The following MICOS10 variants were observed in gnomAD, a reference collection of about 807,000 sequenced individuals.
MICOS10 encodes mitochondrial contact site and cristae organizing system subunit 10.
MICOS10 carries 5 observed loss-of-function variants against 13.4 expected under a neutral mutation model. The observed-to-expected ratio is 0.37, with a 90% CI of 0.20 to 0.78. The LOEUF (loss-of-function observed/expected upper bound fraction) is 0.78. Ranked by LOEUF, MICOS10 falls within the 30% of genes least tolerant of loss-of-function variation. The probability of loss-of-function intolerance (pLI) is 0.47; values close to 1 mark genes in which losing one functional copy is unlikely to be tolerated. For synonymous variants in MICOS10, 35 were observed against 33.6 expected (o/e 1.04, Z -0.15); for missense variants, 101 against 94.6 (o/e 1.07, Z -0.28).
At chr1:19,609,977 A>G (rs893601123) in intron 1 of MICOS10, among the ~76,000 whole-genome samples, 4 of 152,150 alleles carry the variant, frequency 2.6e-5, no homozygotes, top group African/African-American at 9.7e-5. Flanking sequence ...CCCCGTCTCT[A>G]CTAAAAATAA....
chr1:19,625,589 C>T (rs887483576), intron 3 of MICOS10: 1 of 1,289,442 alleles, frequency 7.8e-7, no homozygotes, highest in Non-Finnish European at 1.0e-6. Flanking sequence ...GGCATCAGAG[C>T]TGATTGTGGG....
chr1:19,608,114 A>G, intron 1 of MICOS10: 1 of 1,061,620 alleles, frequency 9.4e-7, no homozygotes, highest in Non-Finnish European at 1.5e-6. Flanking sequence ...ACGTGCAGAA[A>G]TGGCACCTGG....
At chr1:19,626,339 T>A (rs200957792) in intron 3 of MICOS10, 48 bp from the exon 4 acceptor site, 25 of 1,613,592 alleles carry the variant, frequency 1.5e-5, no homozygotes, top group Non-Finnish European at 8.5e-7. Context: ...GAGAGGGTTG[T>A]CAGAATGCCG....
intron 1 of MICOS10, among the ~76,000 whole-genome samples, chr1:19,606,982 G>C (rs2094837500): frequency 6.6e-6 from 1 of 152,222 alleles, no homozygotes; most frequent in Non-Finnish European, 1.5e-5. Flanking sequence ...GATAGATGTG[G>C]GTTACCACAA....
At chr1:19,625,482 G>A in intron 3 of MICOS10, 3 of 1,289,448 alleles carry the variant, frequency 2.3e-6, no homozygotes, top group Non-Finnish European at 3.0e-6. Flanking sequence ...AAGCAAGAGT[G>A]AGGTCATCAC....
Position 19,623,474 on chromosome 1 carries a change from G to A in MICOS10, c.113G>A (p.Arg38Lys), listed in dbSNP as rs372483905. ...GIVFSLTFFK[R>K]RMWPLAFGSG... ...GGATTTTCCCTTTTTTGCTCACTAG[G>A]AAGAATGTGGCCATTAGCCTTCGGT... Residue 38 changes from arginine to lysine, a missense_variant and splice_region_variant, in exon 3 of 4, where the codon AGA becomes AAA. Physicochemically the swap from Arg to Lys is conservative, Grantham distance 26. Transcript: ENST00000322753. 1 of 1,602,854 alleles carries A rather than the reference G, an allele frequency of 6.2e-7. No homozygotes were observed.
At chr1:19,625,060 G>A (rs1279067120) in intron 3 of MICOS10, among the ~76,000 whole-genome samples, 1 of 152,198 alleles carries the variant, frequency 6.6e-6, no homozygotes, top group East Asian at 1.9e-4. Flanking sequence ...CCTGTCACTT[G>A]CTTCCTGTGT....
chr1:19,604,968 C>T (rs1274082583), intron 1 of MICOS10, among the ~76,000 whole-genome samples: 1 of 152,198 alleles, frequency 6.6e-6, no homozygotes, highest in Non-Finnish European at 1.5e-5. Context: ...TTATTGAGCA[C>T]TTAACCGCAT....
intron 1 of MICOS10, among the ~76,000 whole-genome samples, chr1:19,608,778 CAAA>C (rs1464716199): frequency 6.6e-6 from 1 of 151,792 alleles, no homozygotes; most frequent in Non-Finnish European, 1.5e-5. Context: ...ATTAAGAAAA[CAAA>C]AAGGCAAGCC....
chr1:19,625,287 TGTG>T, intron 3 of MICOS10: 1 of 1,142,496 alleles, frequency 8.8e-7, no homozygotes, highest in African/African-American at 1.6e-5. Context: ...GAGTGGAAAA[TGTG>T]GTACAAATGC....
At chr1:19,604,910 G>A (rs1228136323) in intron 1 of MICOS10, among the ~76,000 whole-genome samples, 1 of 152,188 alleles carries the variant, frequency 6.6e-6, no homozygotes, top group African/African-American at 2.4e-5. Flanking sequence ...TGTCCCAAAG[G>A]AGAGGGATAC....
At chr1:19,604,851 A>T (rs2094829144) in intron 1 of MICOS10, among the ~76,000 whole-genome samples, 1 of 152,164 alleles carries the variant, frequency 6.6e-6, no homozygotes, top group African/African-American at 2.4e-5. Flanking sequence ...AAATATGCAG[A>T]TATTTAATAG....
At chr1:19,602,150 G>T (rs1190721587) in intron 1 of MICOS10, among the ~76,000 whole-genome samples, 1 of 152,176 alleles carries the variant, frequency 6.6e-6, no homozygotes, top group Non-Finnish European at 1.5e-5. Context: ...ACCAGAGGCT[G>T]TTGTGTTCAC....
At chr1:19,600,982 C>T (rs2100238301) in intron 1 of MICOS10, 3 of 1,289,372 alleles carry the variant, frequency 2.3e-6, no homozygotes, top group Non-Finnish European at 3.0e-6. Flanking sequence ...GTGAGTCCTT[C>T]TCTGTTTGGT....
chr1:19,597,479 C>T (rs936620248), intron 1 of MICOS10, among the ~76,000 whole-genome samples: 3 of 152,200 alleles, frequency 2.0e-5, no homozygotes, highest in Admixed American at 6.5e-5. Flanking sequence ...GGCGGGGAAC[C>T]GGCTCAGGAG....
intron 3 of MICOS10, among the ~76,000 whole-genome samples, chr1:19,624,050 G>T (rs1413594105): frequency 6.6e-6 from 1 of 152,160 alleles, no homozygotes; most frequent in East Asian, 1.9e-4. Flanking sequence ...GAGTGCAGTG[G>T]TGCCATCTTG....
intron 1 of MICOS10, among the ~76,000 whole-genome samples, chr1:19,616,807 A>G (rs2094886005): frequency 6.6e-6 from 1 of 152,180 alleles, no homozygotes; most frequent in South Asian, 2.1e-4. Context: ...TCATCATAAT[A>G]TGAGGTTTTC....
rs1408680573 is a variant in MICOS10 at position 19,617,830 on chromosome 1, C to G, written c.65-4270C>G. 3.3e-5 allele frequency among the ~76,000 whole-genome samples: 5 copies of G among 152,074 alleles called. No individual in the cohort carries two copies. In the East Asian group the frequency reaches 9.7e-4, roughly 29 times the overall value. On this transcript the variant is annotated intron_variant, in intron 1 of 3. Coordinates refer to ENST00000322753, the MANE Select transcript of MICOS10 (RefSeq NM_001032363.4). The stretch of plus-strand genomic sequence containing the variant: ...CAGCTTTATTAGACACAAGACAACT[C>G]TAGGAAAATATTGATTACATTTTAA...
chr1:19,601,297 G>T, intron 1 of MICOS10: 1 of 294,098 alleles, frequency 3.4e-6, no homozygotes, highest in Non-Finnish European at 6.8e-6. Flanking sequence ...AGCAGTTCTA[G>T]GCCAGGCACA....
Sources: allele counts gnomAD v4.1 joint callset (sites outside exome capture counted in the v4.1 genomes callset), GRCh38; gene constraint gnomAD v4.1.1; transcripts MANE v1.5; gene names NCBI Gene and HGNC (gene_info 2026-07-23, HGNC 2026-07-21).